The following ALK variants were observed in gnomAD, a reference collection of about 807,000 sequenced individuals.
ALK encodes ALK tyrosine kinase receptor.
ALK carries 74 observed loss-of-function variants against 163.1 expected under a neutral mutation model. The observed-to-expected ratio is 0.45, with a 90% CI of 0.38 to 0.55. ALK has a LOEUF of 0.55. Ranked by LOEUF, ALK falls within the 20% of genes least tolerant of loss-of-function variation. ALK has a pLI of 0.00. For missense variants in ALK, 2,063 were observed against 2,105.3 expected (o/e 0.98, Z 0.39); for synonymous variants, 960 against 843.2 (o/e 1.14, Z -2.40).
At chr2:29,589,048 T>C (rs1361242855) in intron 3 of ALK, among the ~76,000 whole-genome samples, 1 of 152,134 alleles carries the variant, frequency 6.6e-6, no homozygotes, top group East Asian at 1.9e-4. Context: ...AACACACACA[T>C]GAGGTCTGAG....
intron 3 of ALK, among the ~76,000 whole-genome samples, chr2:29,623,271 T>C (rs1676087743): frequency 1.3e-5 from 2 of 152,346 alleles, no homozygotes; most frequent in South Asian, 4.1e-4. Flanking sequence ...TTTATAGCAG[T>C]GTTACTTAAA....
intron 4 of ALK, among the ~76,000 whole-genome samples, chr2:29,497,789 A>G (rs1037619183): frequency 1.3e-5 from 2 of 152,132 alleles, no homozygotes; most frequent in Non-Finnish European, 2.9e-5. Flanking sequence ...AGGCATGATC[A>G]TTTGTTATAA....
intron 28 of ALK, 68 bp from the exon 29 acceptor site, chr2:29,193,990 A>G: frequency 2.8e-6 from 4 of 1,438,262 alleles, no homozygotes; most frequent in Non-Finnish European, 3.9e-6. Flanking sequence ...AAGATACCTT[A>G]GAGATGATGT....
At chr2:29,675,919 C>G (rs982928164) in intron 3 of ALK, among the ~76,000 whole-genome samples, 1 of 151,800 alleles carries the variant, frequency 6.6e-6, no homozygotes, top group Admixed American at 6.6e-5. Context: ...AGAGATGGCA[C>G]CCCTCTATAT....
intron 1 of ALK, among the ~76,000 whole-genome samples, chr2:29,912,039 G>C (rs1213715284): frequency 6.6e-6 from 1 of 152,184 alleles, no homozygotes; most frequent in African/African-American, 2.4e-5. Flanking sequence ...CAATCAACTT[G>C]AGGATAGGTC....
chr2:29,721,428 G>T (rs1393979886), intron 1 of ALK, among the ~76,000 whole-genome samples: 1 of 152,142 alleles, frequency 6.6e-6, no homozygotes, highest in African/African-American at 2.4e-5. Flanking sequence ...AAGACCCTCA[G>T]GATGGCCCGG....
chr2:29,317,122 T>A (rs1666854354), intron 8 of ALK, among the ~76,000 whole-genome samples: 1 of 152,240 alleles, frequency 6.6e-6, no homozygotes, highest in African/African-American at 2.4e-5. Context: ...GCAATCCTGT[T>A]GTCTGTCCCT....
At chr2:29,803,291 G>C (rs1293819173) in intron 1 of ALK, among the ~76,000 whole-genome samples, 1 of 152,232 alleles carries the variant, frequency 6.6e-6, no homozygotes, top group African/African-American at 2.4e-5. Context: ...TGTGGGCAGA[G>C]AATGGGCCAG....
rs2148430452 is a variant in ALK, at chr2:29,900,561, G to C, written c.667+19432C>G. Among the ~76,000 whole-genome samples the C allele has an allele frequency of 4.6e-5, 7 of 152,136 alleles. 2 individuals carry two copies. Among genetic ancestry groups the C allele is most frequent in the Admixed American group, 4.6e-4 (7 of 15,294 alleles). ...AGCCACTTCAAAATAATTTTTTCTG[G>C]CACCCACTGTGGTGCCTTGCACAGA... On this transcript the variant is annotated intron_variant, in intron 1 of 28. Transcript: ENST00000389048.
intron 5 of ALK, among the ~76,000 whole-genome samples, chr2:29,364,826 T>C (rs144691039): frequency 2.6e-5 from 4 of 152,282 alleles, no homozygotes; most frequent in African/African-American, 7.2e-5. Flanking sequence ...ATTTTGAGCA[T>C]TGTACCATCA....
At chr2:29,677,544 C>A (rs1048732760) in intron 3 of ALK, among the ~76,000 whole-genome samples, 1 of 151,878 alleles carries the variant, frequency 6.6e-6, no homozygotes, top group Non-Finnish European at 1.5e-5. Flanking sequence ...GATAGCCAAA[C>A]GGCTTATGTA....
chr2:29,717,593 G>C lies in ALK; in HGVS notation c.772C>G (p.His258Asp), dbSNP rs1679299436. The part of the protein sequence containing the change: ...IMKDSFPFLS[H>D]RSRYGLECSF... ...ATATACTTACCATATCGGCTGCGATGAGACAGGAAAGGGAAGGAGTCTTTC... is the reference window on the plus strand; with the variant it reads ...ATATACTTACCATATCGGCTGCGATCAGACAGGAAAGGGAAGGAGTCTTTC... Residue 258 changes from histidine (H) to aspartate (D), a missense_variant, in exon 2 of 29, where the codon CAT (histidine) becomes GAT (aspartate). This residue lies in a region of ALK where 987 missense variants were observed against 939.5 expected (regional missense o/e 1.05). Transcript: ENST00000389048. 3 of 1,614,072 alleles carry C rather than the reference G, an allele frequency of 1.9e-6. No homozygotes were observed. Among genetic ancestry groups the C allele is most frequent in the Non-Finnish European group, 2.5e-6 (3 of 1,179,938 alleles).
intron 3 of ALK, among the ~76,000 whole-genome samples, chr2:29,672,440 T>C (rs1339733389): frequency 1.3e-5 from 2 of 150,710 alleles, no homozygotes; most frequent in Non-Finnish European, 1.5e-5. Flanking sequence ...GGTTTTTTGT[T>C]CTTGCGATAG....
intron 9 of ALK, among the ~76,000 whole-genome samples, chr2:29,276,231 C>T (rs900733777): frequency 2.0e-5 from 3 of 152,160 alleles, no homozygotes; most frequent in Non-Finnish European, 4.4e-5. Context: ...TTGACTATCA[C>T]CCCTGGAAGT....
intron 3 of ALK, among the ~76,000 whole-genome samples, chr2:29,559,768 C>T (rs200344682): frequency 6.3e-5 from 9 of 143,028 alleles, no homozygotes; most frequent in Non-Finnish European, 1.2e-4. Flanking sequence ...GGAGCATGTA[C>T]GTGTGTGTGT....
intron 5 of ALK, among the ~76,000 whole-genome samples, chr2:29,342,540 A>C (rs940486541): frequency 1.3e-5 from 2 of 152,240 alleles, no homozygotes; most frequent in African/African-American, 4.8e-5. Flanking sequence ...GAATATACTT[A>C]AACATTACTG....
chr2:29,784,376 A>G (rs961126974), intron 1 of ALK, among the ~76,000 whole-genome samples: 1 of 152,292 alleles, frequency 6.6e-6, no homozygotes, highest in Admixed American at 6.5e-5. Flanking sequence ...CTCATAGGTG[A>G]AGAAATTGAG....
At chr2:29,235,234 T>G (rs1193841072) in intron 13 of ALK, among the ~76,000 whole-genome samples, 1 of 152,214 alleles carries the variant, frequency 6.6e-6, no homozygotes, top group African/African-American at 2.4e-5. Flanking sequence ...GGAAAGTGAC[T>G]TTTCTTTCAC....
At chr2:29,458,863 G>T (rs1671020035) in intron 4 of ALK, among the ~76,000 whole-genome samples, 1 of 152,118 alleles carries the variant, frequency 6.6e-6, no homozygotes, top group Non-Finnish European at 1.5e-5. Flanking sequence ...CTTTTGTTTG[G>T]TGTTCCCCTT....
Sources: gnomAD v4.1 joint callset for allele counts (sites outside exome capture counted in the v4.1 genomes callset) on GRCh38, gnomAD v4.1.1 for gene constraint, gnomAD v4.1.1 regional missense constraint, MANE v1.5 for transcripts, NCBI Gene and HGNC (gene_info 2026-07-23, HGNC 2026-07-21) for gene names.